PRKCB: variants seen among roughly 807,000 people sequenced by gnomAD.
PRKCB encodes the protein protein kinase C beta type.
PRKCB carries 13 observed loss-of-function variants against 81.5 expected under a neutral mutation model. That is an observed-to-expected ratio of 0.16 (90% CI 0.10 to 0.25). The LOEUF is 0.25. Among genes scored for constraint, PRKCB ranks in the 10% least tolerant of loss-of-function variants. PRKCB has a pLI of 1.00. For missense variants in PRKCB, 509 were observed against 875.7 expected (o/e 0.58, Z 5.29); for synonymous variants, 335 against 321.4 (o/e 1.04, Z -0.45).
chr16:24,152,682 C>G (rs181046835), intron 9 of PRKCB, among the ~76,000 whole-genome samples: 1 of 152,224 alleles, frequency 6.6e-6, no homozygotes, highest in East Asian at 1.9e-4. Flanking sequence ...GTCATTGTTT[C>G]TGTGTTAGTA....
chr16:23,904,881 G>A (rs1369026817), intron 2 of PRKCB, among the ~76,000 whole-genome samples: 1 of 152,016 alleles, frequency 6.6e-6, no homozygotes, highest in Non-Finnish European at 1.5e-5. Context: ...TGATCTGAGA[G>A]GCCCAAGAGA....
In PRKCB at chr16:23,911,398, G is replaced by T. The variant is rs146796935; in HGVS notation, c.205+73992G>T. Among the ~76,000 whole-genome samples the T allele has an allele frequency of 8.7e-4, 133 of 152,024 alleles. 2 individuals are homozygous for T. The East Asian group carries it at 0.023, about 26-fold the overall frequency. On this transcript the variant is annotated intron_variant, in intron 2 of 16. Transcript: ENST00000643927. The stretch of plus-strand genomic sequence containing the variant: ...CCACCTCGGCCTCCCAAAGTGCTGG[G>T]ATTACAGGCATGCGCTACCATGCCT...
At chr16:23,867,003 T>C (rs1258183243) in intron 2 of PRKCB, among the ~76,000 whole-genome samples, 2 of 69,306 alleles carry the variant, frequency 2.9e-5, no homozygotes, top group Non-Finnish European at 6.0e-5. Context: ...TTCCCTTCCT[T>C]CCTTCCTTCC....
intron 15 of PRKCB, among the ~76,000 whole-genome samples, chr16:24,190,222 T>C (rs1215353332): frequency 1.3e-5 from 2 of 152,234 alleles, no homozygotes. Flanking sequence ...TTAATGGGCT[T>C]TCAGAAAGTA....
In PRKCB at chr16:23,881,852, T is replaced by G. The variant is rs532106378; in HGVS notation, c.205+44446T>G. Among the ~76,000 whole-genome samples, 28 of 152,170 alleles carry G rather than the reference T, an allele frequency of 1.8e-4. No individual in the cohort carries two copies. The East Asian group carries it at 5.0e-3, about 27-fold the overall frequency. Reference sequence around the variant, plus strand: ...TTCTTCCTCCCCACCGAGCCTCTGGTAACCACCATTCTGCTTCCTGTTTCT... The same window carrying G: ...TTCTTCCTCCCCACCGAGCCTCTGGGAACCACCATTCTGCTTCCTGTTTCT... On this transcript the variant is annotated intron_variant, in intron 2 of 16. Transcript: ENST00000643927.
Position 24,096,666 on chromosome 16 carries a change from A to AT in PRKCB, c.821+2369_821+2370insT, listed in dbSNP as rs1555496499. Among the ~76,000 whole-genome samples, 136 of 32,290 alleles carry AT rather than the reference A, an allele frequency of 4.2e-3. 1 individual carries two copies. Among genetic ancestry groups the AT allele is most frequent in the South Asian group, 0.011 (7 of 642 alleles). 21.2% of individuals were successfully genotyped at this position (32,290 alleles called of 152,430 possible). On this transcript the variant is annotated intron_variant, in intron 7 of 16. Coordinates refer to ENST00000643927, the MANE Select transcript of PRKCB (RefSeq NM_002738.7). The stretch of plus-strand genomic sequence containing the variant: ...CCTTCCTATGGCAAAAAAAAAAAAA[A>AT]ATATATATATATATATATATATATA...
At chr16:23,876,509 G>A (rs1963015696) in intron 2 of PRKCB, among the ~76,000 whole-genome samples, 1 of 152,022 alleles carries the variant, frequency 6.6e-6, no homozygotes, top group Non-Finnish European at 1.5e-5. Context: ...AGGAAATGGG[G>A]TTAGTCCGAT....
chr16:24,118,610 C>T (rs1966762464), intron 8 of PRKCB, among the ~76,000 whole-genome samples: 1 of 152,188 alleles, frequency 6.6e-6, no homozygotes, highest in Non-Finnish European at 1.5e-5. Flanking sequence ...GCTGCCAGGG[C>T]TTCTCCACTG....
chr16:23,849,867 A>G (rs1376178995), intron 2 of PRKCB, among the ~76,000 whole-genome samples: 4 of 152,180 alleles, frequency 2.6e-5, no homozygotes, highest in Non-Finnish European at 2.9e-5. Context: ...AGTTATTTGA[A>G]ATATATGATA....
chr16:24,045,360 T>C (rs1475353095), intron 5 of PRKCB, among the ~76,000 whole-genome samples: 3 of 152,138 alleles, frequency 2.0e-5, no homozygotes, highest in Non-Finnish European at 2.9e-5. Flanking sequence ...GAGCTGGGCC[T>C]GTTCTCCGAG....
At position 24,080,075 on chromosome 16, in the gene PRKCB, G is replaced by A. The variant is rs543169445; in HGVS notation, c.530-12716G>A. Among the ~76,000 whole-genome samples the A allele has an allele frequency of 9.2e-5, 14 of 152,184 alleles. No homozygotes were observed. The South Asian group carries it at 2.1e-3, about 23-fold the overall frequency. ...AAAGATTTTTGTTTGAAGAGTGTGC[G>A]ATCGGTTTCTAGCTTTTGAAAGATC... On this transcript the variant is annotated intron_variant, in intron 5 of 16. Coordinates refer to ENST00000643927, the MANE Select transcript of PRKCB (RefSeq NM_002738.7).
intron 16 of PRKCB, among the ~76,000 whole-genome samples, chr16:24,200,422 G>C (rs779575953): frequency 7.9e-5 from 12 of 152,154 alleles, no homozygotes; most frequent in Non-Finnish European, 1.3e-4. Flanking sequence ...GATCAAACCA[G>C]GCTCCCTTTA....
intron 7 of PRKCB, among the ~76,000 whole-genome samples, chr16:24,110,532 T>TTTTTTTG (rs1966662931): frequency 7.0e-6 from 1 of 143,742 alleles, no homozygotes; most frequent in African/African-American, 2.6e-5. Context: ...TTTTTTTTTT[T>TTTTTTTG]GAGAGACAGG....
chr16:24,020,111 A>G (rs565203618), intron 3 of PRKCB, among the ~76,000 whole-genome samples: 5 of 152,350 alleles, frequency 3.3e-5, no homozygotes, highest in Admixed American at 3.3e-4. Flanking sequence ...CCCACCCACC[A>G]GGAATATGTG....
chr16:23,847,668 G>T (rs963109221), intron 2 of PRKCB, among the ~76,000 whole-genome samples: 6 of 152,166 alleles, frequency 3.9e-5, no homozygotes, highest in African/African-American at 1.4e-4. Flanking sequence ...ATTGGAACTA[G>T]AACAGTGAAC....
intron 10 of PRKCB, among the ~76,000 whole-genome samples, chr16:24,170,860 C>T (rs1397517259): frequency 6.6e-6 from 1 of 152,244 alleles, no homozygotes; most frequent in Non-Finnish European, 1.5e-5. Context: ...AGAAACAGGG[C>T]TTACACAGCC....
At chr16:24,008,907 A>G (rs1352994845) in intron 3 of PRKCB, among the ~76,000 whole-genome samples, 3 of 152,082 alleles carry the variant, frequency 2.0e-5, no homozygotes, top group South Asian at 2.1e-4. Flanking sequence ...TTTTCTATCA[A>G]TTTGACTATT....
intron 16 of PRKCB, among the ~76,000 whole-genome samples, chr16:24,192,930 C>G (rs1452153901): frequency 6.6e-6 from 1 of 151,878 alleles, no homozygotes; most frequent in Non-Finnish European, 1.5e-5. Context: ...TAGGCAGAGA[C>G]CAGAGGGAGG....
At chr16:24,033,933 G>A (rs1224494337) in intron 4 of PRKCB, among the ~76,000 whole-genome samples, 5 of 152,020 alleles carry the variant, frequency 3.3e-5, no homozygotes, top group Admixed American at 6.6e-5. Flanking sequence ...TTGGAGAAAG[G>A]GAGAGACAAA....
Sources: allele counts gnomAD v4.1 joint callset (sites outside exome capture counted in the v4.1 genomes callset), GRCh38; gene constraint gnomAD v4.1.1; transcripts MANE v1.5; gene names NCBI Gene and HGNC (gene_info 2026-07-23, HGNC 2026-07-21).